The following NCAPH2 variants were observed in gnomAD, a reference collection of about 807,000 sequenced individuals.
NCAPH2 encodes the protein condensin-2 complex subunit H2.
NCAPH2 carries 56 observed loss-of-function variants against 88.6 expected under a neutral mutation model. The ratio of observed to expected loss-of-function variants is 0.63; its 90% confidence interval spans 0.51 to 0.79. The LOEUF is 0.79. Among genes scored for constraint, NCAPH2 ranks in the 30% least tolerant of loss-of-function variants. NCAPH2 has a pLI of 0.00. For synonymous variants in NCAPH2, 378 were observed against 313.6 expected, an observed-to-expected ratio of 1.21 and a Z score of -2.17; for missense variants, 794 against 792.0, an observed-to-expected ratio of 1.00 and a Z score of -0.03.
Position 50,523,820 on chromosome 22 carries a change from C to T in NCAPH2, c.*445C>T. ...CGGTAACTGTGACTAGCCTGGGCAA[C>T]CTGTTTGGTGGAGCCGGTCAGACCC... On this transcript the variant is annotated 3_prime_UTR_variant, in exon 20 of 20. Coordinates refer to ENST00000420993, the MANE Select transcript of NCAPH2 (RefSeq NM_152299.4). 1.2e-6 allele frequency: 2 copies of T among 1,614,080 alleles called. No homozygotes were observed. The highest frequency in any genetic ancestry group is 2.2e-5 in the East Asian group (1 of 44,886).
At chr22:50,511,378 C>T (rs1182487285) in intron 1 of NCAPH2, among the ~76,000 whole-genome samples, 1 of 144,730 alleles carries the variant, frequency 6.9e-6, no homozygotes, top group Non-Finnish European at 1.5e-5. Context: ...CAAGCTCCAC[C>T]TCCTGGGTTC....
intron 1 of NCAPH2, among the ~76,000 whole-genome samples, chr22:50,515,211 T>C (rs1175065003): frequency 3.3e-5 from 5 of 152,064 alleles, no homozygotes; most frequent in African/African-American, 9.7e-5. Flanking sequence ...GGGTCGGTGT[T>C]CCAGGCAGAT....
chr22:50,522,429 AG>A lies in NCAPH2; in HGVS notation c.1306+19del, dbSNP rs774696787. 1.9e-6 allele frequency: 3 copies of A among 1,611,018 alleles called. No individual in the cohort carries two copies. Among genetic ancestry groups the A allele is most frequent in the Admixed American group, 1.7e-5 (1 of 59,934 alleles). On this transcript the variant is annotated intron_variant, in intron 15 of 19. Coordinates refer to ENST00000420993, the MANE Select transcript of NCAPH2 (RefSeq NM_152299.4). Reference sequence around the variant, plus strand: ...TGGGGGCAGCAGGTGGGTGCCTGCCAGGGGGTGGGGTGGGGCTTGGCACCTG... The same window carrying A: ...TGGGGGCAGCAGGTGGGTGCCTGCCAGGGGTGGGGTGGGGCTTGGCACCTG...
chr22:50,516,356 G>A, intron 1 of NCAPH2, 91 bp from the exon 2 acceptor site: 1 of 1,201,616 alleles, frequency 8.3e-7, no homozygotes, highest in East Asian at 2.4e-5. Flanking sequence ...GGAGGTGCTG[G>A]GCAGAGACCA....
chr22:50,511,236 T>G (rs1177738376), intron 1 of NCAPH2, among the ~76,000 whole-genome samples: 1 of 150,836 alleles, frequency 6.6e-6, no homozygotes, highest in Non-Finnish European at 1.5e-5. Flanking sequence ...AATCTCAGCT[T>G]GCTGCAGCCT....
chr22:50,522,673 G>C lies in NCAPH2; in HGVS notation c.1378G>C (p.Ala460Pro). 6.2e-7 allele frequency: 1 copy of C among 1,613,710 alleles called. No homozygotes were observed. The highest frequency in any genetic ancestry group is 1.3e-5 in the African/African-American group (1 of 75,034). Residue 460 changes from alanine (A) to proline (P), a missense_variant and splice_region_variant, in exon 17 of 20, where the codon GCA (alanine) becomes CCA (proline). Around this residue, in one of 2 missense-constraint regions of NCAPH2, gnomAD observed 735 missense variants for 696.3 expected, o/e 1.06. Coordinates refer to ENST00000420993, the MANE Select transcript of NCAPH2 (RefSeq NM_152299.4). ...ADPREAADLD[A>P]VPMSLSYEEL... ...AGCTCACAGCTACCCCTTCCCAGAC[G>C]CAGTGCCGATGTCCCTGAGCTACGA...
At chr22:50,516,655 C>T (rs964725592) in intron 2 of NCAPH2, 107 bp downstream of exon 2, 20 of 936,856 alleles carry the variant, frequency 2.1e-5, no homozygotes, top group Admixed American at 1.6e-4. Context: ...GACCTACCTC[C>T]CTCTCTCCTC....
intron 9 of NCAPH2, chr22:50,519,586 G>A (rs2069027501): frequency 2.0e-5 from 25 of 1,250,820 alleles, no homozygotes; most frequent in East Asian, 3.3e-5. Context: ...TCGAGCTCAC[G>A]GCAACCTGGG....
intron 1 of NCAPH2, among the ~76,000 whole-genome samples, chr22:50,511,285 CTTTTTTTTTTTT>C (rs910583115): frequency 9.1e-6 from 1 of 109,670 alleles, no homozygotes; most frequent in South Asian, 2.7e-4. Context: ...GCCTCAGCCT[CTTTTTTTTTTTT>C]TTTTTTTTTT....
At position 50,523,649 on chromosome 22, in the gene NCAPH2, G is replaced by A. The variant is rs112793292; in HGVS notation, c.*274G>A. 7 of 1,613,744 alleles carry A rather than the reference G, an allele frequency of 4.3e-6. No homozygotes were observed. The highest frequency in any genetic ancestry group is 1.7e-4 in the Middle Eastern group (1 of 6,012). ...CTGCGGAAAGCCGCCATGTGCCGCC[G>A]CACACTGTCTGAGATCTGCTCAGCC... On this transcript the variant is annotated 3_prime_UTR_variant, in exon 20 of 20. Transcript: ENST00000420993.
chr22:50,510,376 T>C (rs548774736), intron 1 of NCAPH2, among the ~76,000 whole-genome samples: 4 of 152,276 alleles, frequency 2.6e-5, no homozygotes, highest in South Asian at 4.1e-4. Flanking sequence ...GCTGGGACTA[T>C]AGCTGTGCAC....
intron 2 of NCAPH2, 113 bp from the exon 3 acceptor site, chr22:50,517,314 T>C: frequency 1.9e-6 from 2 of 1,058,614 alleles, no homozygotes; most frequent in Non-Finnish European, 1.5e-6. Flanking sequence ...TTTCTTGTAC[T>C]GGAGGTTTGG....
intron 1 of NCAPH2, among the ~76,000 whole-genome samples, chr22:50,513,146 G>A (rs900694758): frequency 1.3e-5 from 2 of 152,252 alleles, no homozygotes; most frequent in Non-Finnish European, 2.9e-5. Context: ...TAGTAGAGGC[G>A]TTAGAGATGT....
At chr22:50,518,305 G>T in intron 7 of NCAPH2, 27 bp downstream of exon 7, 1 of 1,606,846 alleles carries the variant, frequency 6.2e-7, no homozygotes, top group Non-Finnish European at 8.5e-7. Flanking sequence ...GGGGGGCTTG[G>T]TGGGAAGGAA....
intron 8 of NCAPH2, 110 bp from the exon 9 acceptor site, chr22:50,519,080 C>T (rs1435459357): frequency 1.8e-6 from 2 of 1,115,302 alleles, no homozygotes; most frequent in African/African-American, 3.2e-5. Flanking sequence ...CCGCCAAATC[C>T]TCTGGGCTCC....
At chr22:50,515,890 G>A in intron 1 of NCAPH2, 1 of 937,566 alleles carries the variant, frequency 1.1e-6, no homozygotes, top group Non-Finnish European at 1.4e-6. Flanking sequence ...GGGCTCATTG[G>A]CTTATGGTTG....
chr22:50,508,472 GGT>G, intron 1 of NCAPH2, 27 bp downstream of exon 1: 3 of 1,302,314 alleles, frequency 2.3e-6, no homozygotes, highest in Non-Finnish European at 2.0e-6. Flanking sequence ...AGTGACGCGG[GGT>G]GGGCCGGCGG....
At position 50,521,755 on chromosome 22, in the gene NCAPH2, G is replaced by C. The variant is rs1414978622; in HGVS notation, c.1015G>C (p.Val339Leu). 1.2e-5 allele frequency: 20 copies of C among 1,613,946 alleles called. No homozygotes were observed. Among genetic ancestry groups the C allele is most frequent in the Non-Finnish European group, 1.7e-5 (20 of 1,180,032 alleles). The part of the protein sequence containing the change: ...KPFKKGRPYS[V>L]PPCVEEALGQ... ...TTTGCCCCCAGGTAGGCCTTACTCTGTGCCCCCCTGTGTGGAGGAGGCTCT... is the reference window on the plus strand; with the variant it reads ...TTTGCCCCCAGGTAGGCCTTACTCTCTGCCCCCCTGTGTGGAGGAGGCTCT... The change falls in exon 12 of 20, where the codon GTG (valine) becomes CTG (leucine). Residue 339 changes from valine (V) to leucine (L), a missense_variant. By Grantham distance (32) the Val-to-Leu change is conservative. Transcript: ENST00000420993.
At chr22:50,522,950 C>T (rs997726489) in intron 18 of NCAPH2, 28 bp downstream of exon 18, 2 of 1,612,152 alleles carry the variant, frequency 1.2e-6, no homozygotes, top group African/African-American at 1.3e-5. Context: ...GGAACCAGAG[C>T]TGTGTGCCAC....
Sources: allele counts gnomAD v4.1 joint callset (sites outside exome capture counted in the v4.1 genomes callset), GRCh38; gene constraint gnomAD v4.1.1; regional missense constraint gnomAD v4.1.1; transcripts MANE v1.5; gene names NCBI Gene and HGNC (gene_info 2026-07-23, HGNC 2026-07-21).